Variants in SGCD observed in about 807,000 individuals in gnomAD.
SGCD encodes the protein sarcoglycan delta, also known as delta-sarcoglycan.
In SGCD, 18 loss-of-function variants were observed where a neutral mutation model predicts 36.6. The ratio of observed to expected loss-of-function variants is 0.49; its 90% CI spans 0.34 to 0.73. SGCD has a LOEUF of 0.73. SGCD is among the 30% of genes least tolerant of loss of function. SGCD has a pLI of 0.01. For missense variants in SGCD, 387 were observed against 346.7 expected, an observed-to-expected ratio of 1.12 and a Z score of -0.92; for synonymous variants, 133 against 130.6, an observed-to-expected ratio of 1.02 and a Z score of -0.12.
intron 7 of SGCD, among the ~76,000 whole-genome samples, chr5:156,649,190 T>G (rs1260527477): frequency 1.3e-5 from 2 of 152,104 alleles, no homozygotes; most frequent in Non-Finnish European, 2.9e-5. Context: ...AGAGTGGCGA[T>G]CATTAAAAAG....
At chr5:155,946,990 A>G (rs996881028) in intron 1 of SGCD, among the ~76,000 whole-genome samples, 3 of 152,190 alleles carry the variant, frequency 2.0e-5, no homozygotes, top group African/African-American at 7.2e-5. Context: ...CAGCATAGGA[A>G]TGGTAATAGA....
intron 7 of SGCD, among the ~76,000 whole-genome samples, chr5:156,675,164 T>C (rs1167805435): frequency 6.6e-6 from 1 of 152,214 alleles, no homozygotes; most frequent in Non-Finnish European, 1.5e-5. Context: ...TTTAAAATCC[T>C]CTTTCTGTCT....
chr5:155,914,136 G>T (rs985401103), intron 1 of SGCD, among the ~76,000 whole-genome samples: 1 of 152,130 alleles, frequency 6.6e-6, no homozygotes, highest in Admixed American at 6.6e-5. Context: ...CCTTAAACTT[G>T]GAACTTCTCA....
chr5:156,699,827 T>C lies in SGCD; in HGVS notation c.575+52291T>C, dbSNP rs112180744. Among the ~76,000 whole-genome samples, 398 of 152,288 alleles carry C rather than the reference T, an allele frequency of 2.6e-3. 1 individual carries two copies. Among genetic ancestry groups the C allele is most frequent in the African/African-American group, 9.1e-3 (379 of 41,568 alleles). On this transcript the variant is annotated intron_variant, in intron 7 of 8. Transcript: ENST00000337851. ...TAGAGGAGAGAGCTCTTGAGAAATATTCAAGTGTACTTTGATGGGTGCAGG... is the reference window on the plus strand; with the variant it reads ...TAGAGGAGAGAGCTCTTGAGAAATACTCAAGTGTACTTTGATGGGTGCAGG...
At chr5:156,735,378 C>G (rs973857189) in intron 7 of SGCD, among the ~76,000 whole-genome samples, 1 of 152,162 alleles carries the variant, frequency 6.6e-6, no homozygotes, top group South Asian at 2.1e-4. Context: ...GCCTGCCCCC[C>G]ACTGCCTCTG....
chr5:156,464,214 A>ATTT (rs1318941829), intron 3 of SGCD, among the ~76,000 whole-genome samples: 308 of 125,292 alleles, frequency 2.5e-3, no homozygotes, highest in African/African-American at 9.0e-3. Context: ...TTGAATCTAC[A>ATTT]TATTTTTTTT....
At chr5:156,531,428 A>G (rs1757883985) in intron 4 of SGCD, among the ~76,000 whole-genome samples, 1 of 152,236 alleles carries the variant, frequency 6.6e-6, no homozygotes, top group Admixed American at 6.5e-5. Context: ...AGGATTTGAC[A>G]GCATTATGAT....
At chr5:155,840,246 T>C in the SGCD span, among the ~76,000 whole-genome samples, 1 of 151,134 alleles carries the variant, frequency 6.6e-6, no homozygotes, top group Non-Finnish European at 1.5e-5. Context: ...GTTTTGCCTT[T>C]TTTTTTTTTT....
chr5:155,958,048 G>A (rs185260204), intron 1 of SGCD, among the ~76,000 whole-genome samples: 68 of 152,120 alleles, frequency 4.5e-4, no homozygotes, highest in Admixed American at 7.9e-4. Flanking sequence ...GAGAGACAAC[G>A]TTATGAATGT....
chr5:156,008,533 G>A (rs1324072151), intron 1 of SGCD, among the ~76,000 whole-genome samples: 1 of 152,046 alleles, frequency 6.6e-6, no homozygotes, highest in Non-Finnish European at 1.5e-5. Flanking sequence ...GGACCACCAT[G>A]CCTGGCTAAT....
intron 1 of SGCD, among the ~76,000 whole-genome samples, chr5:155,971,645 A>C (rs1758008379): frequency 6.6e-6 from 1 of 152,122 alleles, no homozygotes; most frequent in Admixed American, 6.6e-5. Context: ...GGTCAGGGGG[A>C]AAATACTGAA....
At chr5:156,088,036 A>G (rs1761145132) in intron 1 of SGCD, among the ~76,000 whole-genome samples, 1 of 152,174 alleles carries the variant, frequency 6.6e-6, no homozygotes, top group Admixed American at 6.5e-5. Flanking sequence ...CACTGGGATC[A>G]GTCGCTTGCA....
chr5:156,074,925 C>G (rs1760726145), intron 1 of SGCD, among the ~76,000 whole-genome samples: 1 of 152,200 alleles, frequency 6.6e-6, no homozygotes, highest in African/African-American at 2.4e-5. Context: ...TCATGGTAAT[C>G]ATGTGCACCC....
At chr5:156,604,471 T>C (rs1761334442) in intron 6 of SGCD, among the ~76,000 whole-genome samples, 1 of 151,926 alleles carries the variant, frequency 6.6e-6, no homozygotes, top group African/African-American at 2.4e-5. Flanking sequence ...CTAAGATTTG[T>C]TTTCTTTCTC....
chr5:155,786,100 G>A, the SGCD span, among the ~76,000 whole-genome samples: 5 of 152,154 alleles, frequency 3.3e-5, no homozygotes, highest in African/African-American at 4.8e-5. Context: ...AGAAAAAAGT[G>A]TGAATAGTGT....
the SGCD span, among the ~76,000 whole-genome samples, chr5:155,732,643 A>C: frequency 6.6e-6 from 1 of 152,138 alleles, no homozygotes; most frequent in African/African-American, 2.4e-5. Flanking sequence ...GCTAATCATC[A>C]AGGTCACTTA....
chr5:156,650,568 C>T (rs1328888834), intron 7 of SGCD, among the ~76,000 whole-genome samples: 1 of 152,112 alleles, frequency 6.6e-6, no homozygotes, highest in African/African-American at 2.4e-5. Flanking sequence ...TCAGCTCCCA[C>T]TTATTAGTGA....
chr5:156,557,117 G>C (rs1479308606), intron 4 of SGCD, among the ~76,000 whole-genome samples: 1 of 152,150 alleles, frequency 6.6e-6, no homozygotes, highest in African/African-American at 2.4e-5. Flanking sequence ...AAGCATGGCT[G>C]TGAATTTTCC....
At chr5:156,630,612 G>A (rs1762597418) in intron 6 of SGCD, among the ~76,000 whole-genome samples, 2 of 152,266 alleles carry the variant, frequency 1.3e-5, no homozygotes, top group South Asian at 4.1e-4. Context: ...AATCTTAAAT[G>A]ACTTATTAAA....
Sources: allele counts gnomAD v4.1 joint callset (sites outside exome capture counted in the v4.1 genomes callset), GRCh38; gene constraint gnomAD v4.1.1; transcripts MANE v1.5; gene names NCBI Gene and HGNC (gene_info 2026-07-23, HGNC 2026-07-21).